The following SUGCT variants were observed in gnomAD, a reference collection of about 807,000 sequenced individuals.
The protein encoded by SUGCT is succinyl-CoA:glutarate-CoA transferase, also known as succinyl-CoA:glutarate CoA-transferase.
A neutral mutation model predicts 55.0 loss-of-function variants in SUGCT; 41 were observed. That is an observed-to-expected ratio of 0.74 (90% CI 0.58 to 0.97). SUGCT has a LOEUF of 0.97. Ranked by LOEUF, SUGCT falls within the 50% of genes least tolerant of loss-of-function variation. The pLI is 0.00. For missense variants in SUGCT, 568 were observed against 547.8 expected, an observed-to-expected ratio of 1.04 and a Z score of -0.37; for synonymous variants, 187 against 200.4, an observed-to-expected ratio of 0.93 and a Z score of 0.56.
At chr7:40,692,535 T>C (rs746173190) in intron 12 of SUGCT, among the ~76,000 whole-genome samples, 1 of 152,162 alleles carries the variant, frequency 6.6e-6, no homozygotes, top group Non-Finnish European at 1.5e-5. Flanking sequence ...ATGGGAGCCT[T>C]CCTGGAGGTG....
At chr7:40,875,116 T>G in the SUGCT span, among the ~76,000 whole-genome samples, 1 of 152,226 alleles carries the variant, frequency 6.6e-6, no homozygotes. Flanking sequence ...TGCGCACATG[T>G]TTTCTTCTGA....
At chr7:40,891,916 G>A in the SUGCT span, among the ~76,000 whole-genome samples, 1 of 152,148 alleles carries the variant, frequency 6.6e-6, no homozygotes, top group Non-Finnish European at 1.5e-5. Flanking sequence ...GCTGAGGCAG[G>A]AGAATCACTT....
intron 9 of SUGCT, among the ~76,000 whole-genome samples, chr7:40,408,701 C>G (rs887703675): frequency 2.6e-5 from 4 of 152,092 alleles, no homozygotes; most frequent in East Asian, 1.9e-4. Context: ...GAAATGGAAG[C>G]ATTCTCATTG....
the SUGCT span, among the ~76,000 whole-genome samples, chr7:41,035,569 G>A: frequency 6.6e-6 from 1 of 152,140 alleles, no homozygotes; most frequent in Non-Finnish European, 1.5e-5. Flanking sequence ...GCCTAGGACA[G>A]GTTGTTTACA....
the SUGCT span, among the ~76,000 whole-genome samples, chr7:40,920,243 T>C: frequency 6.6e-6 from 1 of 152,216 alleles, no homozygotes; most frequent in African/African-American, 2.4e-5. Flanking sequence ...TCTCGGTCTC[T>C]TCTTTCCTAA....
At chr7:40,810,257 A>G (rs1288261152) in intron 13 of SUGCT, among the ~76,000 whole-genome samples, 1 of 151,640 alleles carries the variant, frequency 6.6e-6, no homozygotes, top group African/African-American at 2.4e-5. Flanking sequence ...TCCCAAGTAG[A>G]TTTATTTTCT....
chr7:40,507,294 GCT>G (rs1221792902), intron 12 of SUGCT, among the ~76,000 whole-genome samples: 2 of 152,176 alleles, frequency 1.3e-5, no homozygotes, highest in African/African-American at 4.8e-5. Flanking sequence ...TGAGGTCCCA[GCT>G]CTGAGTCTTT....
chr7:40,514,751 T>A (rs568756979), intron 12 of SUGCT, among the ~76,000 whole-genome samples: 1 of 150,440 alleles, frequency 6.6e-6, no homozygotes, highest in East Asian at 1.9e-4. Context: ...AGCTATGTAT[T>A]TGCGATGAGA....
chr7:40,852,604 G>C (rs867513808), intron 13 of SUGCT, among the ~76,000 whole-genome samples: 1 of 147,980 alleles, frequency 6.8e-6, no homozygotes, highest in South Asian at 2.2e-4. Context: ...AGCCACACTA[G>C]ATCATTTTTT....
intron 7 of SUGCT, among the ~76,000 whole-genome samples, chr7:40,261,534 C>T (rs1361475299): frequency 6.6e-6 from 1 of 152,120 alleles, no homozygotes; most frequent in Non-Finnish European, 1.5e-5. Context: ...ACGGAGGAAA[C>T]AATGCTAGCT....
At chr7:40,155,388 T>G (rs1057294439) in intron 1 of SUGCT, among the ~76,000 whole-genome samples, 5 of 145,458 alleles carry the variant, frequency 3.4e-5, no homozygotes, top group Non-Finnish European at 6.0e-5. Flanking sequence ...AAAGGACAAA[T>G]GAAGAACTGG....
chr7:40,914,428 T>C, the SUGCT span, among the ~76,000 whole-genome samples: 5 of 152,260 alleles, frequency 3.3e-5, no homozygotes, highest in South Asian at 1.0e-3. Context: ...AGACCTTCTT[T>C]TCAGCCCTCT....
At chr7:40,297,725 T>G (rs1216648707) in intron 8 of SUGCT, among the ~76,000 whole-genome samples, 1 of 152,092 alleles carries the variant, frequency 6.6e-6, no homozygotes, top group Non-Finnish European at 1.5e-5. Flanking sequence ...TTTTTTTGGG[T>G]CTTGTTTTGT....
the SUGCT span, among the ~76,000 whole-genome samples, chr7:40,889,568 C>T: frequency 6.6e-6 from 1 of 152,160 alleles, no homozygotes; most frequent in African/African-American, 2.4e-5. Flanking sequence ...CCATAATTCA[C>T]TACCTTGAGG....
At chr7:40,421,295 T>C (rs1309012314) in intron 9 of SUGCT, among the ~76,000 whole-genome samples, 1 of 152,146 alleles carries the variant, frequency 6.6e-6, no homozygotes, top group Non-Finnish European at 1.5e-5. Context: ...CAAGTCTCCA[T>C]GTTGTTGTCA....
chr7:40,909,049 G>A, the SUGCT span, among the ~76,000 whole-genome samples: 1 of 151,898 alleles, frequency 6.6e-6, no homozygotes, highest in Non-Finnish European at 1.5e-5. Flanking sequence ...GGTCATTTAA[G>A]GTTTTTTCCC....
At chr7:40,646,812 T>C (rs1356475185) in intron 12 of SUGCT, among the ~76,000 whole-genome samples, 2 of 152,222 alleles carry the variant, frequency 1.3e-5, no homozygotes, top group Non-Finnish European at 2.9e-5. Flanking sequence ...TGTATTTGTT[T>C]AGTGCTTTAA....
At chr7:40,813,869 C>A (rs1791541475) in intron 13 of SUGCT, among the ~76,000 whole-genome samples, 1 of 152,120 alleles carries the variant, frequency 6.6e-6, no homozygotes, top group Non-Finnish European at 1.5e-5. Flanking sequence ...TATTTCATTT[C>A]TATGTTTAGA....
chr7:40,650,364 A>C (rs1315854504), intron 12 of SUGCT, among the ~76,000 whole-genome samples: 1 of 152,178 alleles, frequency 6.6e-6, no homozygotes, highest in East Asian at 1.9e-4. Context: ...GGACATGCAG[A>C]CTATTGGAGG....
Sources: allele counts gnomAD v4.1 joint callset (sites outside exome capture counted in the v4.1 genomes callset), GRCh38; gene constraint gnomAD v4.1.1; transcripts MANE v1.5; gene names NCBI Gene and HGNC (gene_info 2026-07-23, HGNC 2026-07-21).